Variants in NHEJ1 observed in about 807,000 individuals in gnomAD.
NHEJ1 encodes the protein non-homologous end-joining factor 1.
A neutral mutation model predicts 39.4 loss-of-function variants in NHEJ1; 22 were observed. The observed-to-expected ratio is 0.56, with a 90% confidence interval of 0.40 to 0.80. NHEJ1 has a LOEUF of 0.80. Ranked by LOEUF, NHEJ1 falls within the 30% of genes least tolerant of loss-of-function variation. The pLI is 0.00. For missense variants in NHEJ1, 329 were observed against 357.1 expected (o/e 0.92, Z 0.63); for synonymous variants, 154 against 135.6 (o/e 1.14, Z -0.94).
At chr2:219,152,415 G>A (rs1201717043) in intron 3 of NHEJ1, among the ~76,000 whole-genome samples, 1 of 152,056 alleles carries the variant, frequency 6.6e-6, no homozygotes, top group East Asian at 1.9e-4. Flanking sequence ...AGATCAGCCT[G>A]GGCAACATAG....
chr2:219,143,144 CT>C (rs750196356), intron 5 of NHEJ1, among the ~76,000 whole-genome samples: 47 of 152,174 alleles, frequency 3.1e-4, no homozygotes, highest in Non-Finnish European at 8.8e-5. Context: ...CCTGGCCCCC[CT>C]GCGCCTTCAT....
intron 1 of NHEJ1, 115 bp from the exon 2 acceptor site, chr2:219,158,477 T>G: frequency 1.1e-6 from 1 of 932,414 alleles, no homozygotes; most frequent in African/African-American, 1.6e-5. Flanking sequence ...CCTGATAAAA[T>G]AGAAGGCATG....
At chr2:219,154,336 T>C (rs1170319908) in intron 3 of NHEJ1, among the ~76,000 whole-genome samples, 1 of 152,194 alleles carries the variant, frequency 6.6e-6, no homozygotes, top group Non-Finnish European at 1.5e-5. Context: ...TATATAGCTT[T>C]AAGAATTCAC....
chr2:219,124,061 G>A (rs776715151), intron 5 of NHEJ1, among the ~76,000 whole-genome samples: 13 of 152,106 alleles, frequency 8.5e-5, no homozygotes, highest in Non-Finnish European at 1.8e-4. Flanking sequence ...CCCAGCATTC[G>A]CCACCCTGGG....
chr2:219,146,736 G>A lies in NHEJ1; in HGVS notation c.532C>T (p.Arg178Ter), dbSNP rs118204453. Residue 178 changes from arginine (R) to a stop codon, truncating the protein, a stop_gained and splice_region_variant, in exon 5 of 8, where the codon CGA (arginine) becomes TGA (stop). Transcript: ENST00000356853. LOFTEE classifies it high-confidence loss of function. ...TCTTCAAATGGTTCTGTCTTCAATCGATCTGTAATAAGAAGGATCAGAAAA... is the reference window on the plus strand; with the variant it reads ...TCTTCAAATGGTTCTGTCTTCAATCAATCTGTAATAAGAAGGATCAGAAAA... ...QESGATLIRDRLKTEPFEENS... is the reference protein window; with the variant it reads ...QESGATLIRD The A allele has an allele frequency of 1.0e-5, 16 of 1,607,568 alleles. No individual in the cohort carries two copies. The highest frequency in any genetic ancestry group is 1.7e-4 in the Middle Eastern group (1 of 6,056).
chr2:219,098,027 T>A (rs1949224658), intron 5 of NHEJ1, among the ~76,000 whole-genome samples: 1 of 152,162 alleles, frequency 6.6e-6, no homozygotes. Context: ...TGAAAGTATG[T>A]CGAGAAGGAC....
chr2:219,106,312 G>A (rs892219727), intron 5 of NHEJ1, among the ~76,000 whole-genome samples: 4 of 152,138 alleles, frequency 2.6e-5, no homozygotes, highest in Admixed American at 1.3e-4. Context: ...TTGGGGTGGG[G>A]GAGGAAAGGA....
At chr2:219,157,366 G>T in intron 3 of NHEJ1, 106 bp downstream of exon 3, 1 of 950,500 alleles carries the variant, frequency 1.1e-6, no homozygotes, top group Non-Finnish European at 1.6e-6. Flanking sequence ...TTTTCTGATT[G>T]GAGAAGAATT....
In NHEJ1 at chr2:219,157,987, TCTCTCACACA is replaced by T. The variant is rs1272758191; in HGVS notation, c.177+189_177+198del. Among the ~76,000 whole-genome samples, 471 of 68,708 alleles carry T rather than the reference TCTCTCACACA, an allele frequency of 6.9e-3. 1 individual carries two copies. Among genetic ancestry groups the T allele is most frequent in the Middle Eastern group, 0.016 (2 of 128 alleles). 45.1% of individuals were successfully genotyped at this position (68,708 alleles called of 152,430 possible). A position where few individuals can be genotyped will look rare whatever the true frequency, so the allele number is the denominator to read the frequency against. On this transcript the variant is annotated intron_variant, in intron 2 of 7. Coordinates refer to ENST00000356853, the MANE Select transcript of NHEJ1 (RefSeq NM_024782.3). ...CTAACTTTCTTTCTCTCTCTCTCTC[TCTCTCACACA>T]CACACACACACACACACACACACAC... is the stretch of plus-strand genomic sequence containing the variant.
At chr2:219,129,675 C>A (rs1473848716) in intron 5 of NHEJ1, among the ~76,000 whole-genome samples, 1 of 152,212 alleles carries the variant, frequency 6.6e-6, no homozygotes. Context: ...AAATAAAATT[C>A]ATAAAGCGAA....
Position 219,075,812 on chromosome 2 carries a change from CA to C in NHEJ1, c.*568del, listed in dbSNP as rs1211349784. On this transcript the variant is annotated 3_prime_UTR_variant, in exon 8 of 8. Coordinates refer to ENST00000356853, the MANE Select transcript of NHEJ1 (RefSeq NM_024782.3). ...AGAGAGTTCTTGAGATCAAAGTTTCCAAATGGAGACTTAGCTCTGGCAACTG... is the reference window on the plus strand; with the variant it reads ...AGAGAGTTCTTGAGATCAAAGTTTCCAATGGAGACTTAGCTCTGGCAACTG... 1 of 153,810 alleles carries C rather than the reference CA, an allele frequency of 6.5e-6. No individual in the cohort carries two copies. Among genetic ancestry groups the C allele is most frequent in the African/African-American group, 2.4e-5 (1 of 41,446 alleles). 9.5% of individuals were successfully genotyped at this position (153,810 alleles called of 1,614,324 possible).
intron 5 of NHEJ1, among the ~76,000 whole-genome samples, chr2:219,114,861 T>A (rs1051373257): frequency 6.6e-6 from 1 of 152,114 alleles, no homozygotes; most frequent in Non-Finnish European, 1.5e-5. Context: ...AAGGAAACAT[T>A]GCTACCGGGT....
At chr2:219,080,993 G>A (rs1292687092) in intron 5 of NHEJ1, among the ~76,000 whole-genome samples, 1 of 152,076 alleles carries the variant, frequency 6.6e-6, no homozygotes, top group Non-Finnish European at 1.5e-5. Context: ...CAGAATTTTG[G>A]TCAAAAGAGC....
At chr2:219,114,749 G>C (rs1449053224) in intron 5 of NHEJ1, among the ~76,000 whole-genome samples, 2 of 152,140 alleles carry the variant, frequency 1.3e-5, no homozygotes, top group Non-Finnish European at 2.9e-5. Context: ...AGAGGTTTCT[G>C]ATTTTATAAG....
chr2:219,112,868 G>A (rs1949378635), intron 5 of NHEJ1, among the ~76,000 whole-genome samples: 1 of 151,974 alleles, frequency 6.6e-6, no homozygotes, highest in Admixed American at 6.6e-5. Context: ...CATATGATAG[G>A]ACATGAAACA....
In NHEJ1 at chr2:219,107,048, C is replaced by A. The variant is rs1426836950; in HGVS notation, c.589-28842G>T. ...ACATTGATAATGAGTGCTGAGAGAG[C>A]GATATAGAAGATATGGTGTCCTGCT... On this transcript the variant is annotated intron_variant, in intron 5 of 7. Coordinates refer to ENST00000356853, the MANE Select transcript of NHEJ1 (RefSeq NM_024782.3). 3.3e-5 allele frequency among the ~76,000 whole-genome samples: 5 copies of A among 152,164 alleles called. No individual in the cohort carries two copies. In the East Asian group the frequency reaches 7.7e-4, roughly 24 times the overall value.
chr2:219,093,340 G>A lies in NHEJ1; in HGVS notation c.589-15134C>T, dbSNP rs114572972. 4.4e-3 allele frequency among the ~76,000 whole-genome samples: 663 copies of A among 152,274 alleles called. 8 individuals carry two copies. The highest frequency in any genetic ancestry group is 6.8e-3 in the South Asian group (33 of 4,822). Reference sequence around the variant, plus strand: ...GATGAACAATCAGTAAAGAAGTCAGGGCACTATCTGAAACTGTGCATCTTT... The same window carrying A: ...GATGAACAATCAGTAAAGAAGTCAGAGCACTATCTGAAACTGTGCATCTTT... On this transcript the variant is annotated intron_variant, in intron 5 of 7. Transcript: ENST00000356853.
intron 5 of NHEJ1, among the ~76,000 whole-genome samples, chr2:219,113,444 A>G (rs993621139): frequency 3.3e-5 from 5 of 152,168 alleles, no homozygotes; most frequent in Non-Finnish European, 5.9e-5. Context: ...CTGATTCAAT[A>G]TATATATGTA....
At chr2:219,157,391 CA>C (rs1233436476) in intron 3 of NHEJ1, 80 bp downstream of exon 3, 149 of 1,257,592 alleles carry the variant, frequency 1.2e-4, no homozygotes, top group Non-Finnish European at 1.4e-4. Flanking sequence ...ACAAGGTTTG[CA>C]AAAAAAATAA....
Sources: allele counts gnomAD v4.1 joint callset (sites outside exome capture counted in the v4.1 genomes callset), GRCh38; gene constraint gnomAD v4.1.1; transcripts MANE v1.5; gene names NCBI Gene and HGNC (gene_info 2026-07-23, HGNC 2026-07-21).